The following OR56A3 variants were observed in gnomAD, a reference collection of about 807,000 sequenced individuals.
The protein encoded by OR56A3 is olfactory receptor 56A3.
A neutral mutation model predicts 17.5 loss-of-function variants in OR56A3; 23 were observed. The observed-to-expected ratio is 1.32, with a 90% CI of 0.95 to 1.87. OR56A3 has a LOEUF of 1.87. Among genes scored for constraint, OR56A3 ranks in the 40% most tolerant of loss-of-function variants. The pLI is 0.00. For synonymous variants in OR56A3, 175 were observed against 150.6 expected, an observed-to-expected ratio of 1.16 and a Z score of -1.19; for missense variants, 366 against 380.1, an observed-to-expected ratio of 0.96 and a Z score of 0.31.
At chr11:5,972,893 G>A in the OR56A3 span, among the ~76,000 whole-genome samples, 5 of 152,136 alleles carry the variant, frequency 3.3e-5, no homozygotes, top group Admixed American at 2.6e-4. Flanking sequence ...CACCGTGCCC[G>A]GCAGGGAACA....
the OR56A3 span, chr11:5,967,757 G>A: frequency 6.2e-7 from 1 of 1,603,730 alleles, no homozygotes; most frequent in Non-Finnish European, 8.5e-7. Flanking sequence ...GGATGAAGTG[G>A]GAACCACAAG....
the OR56A3 span, chr11:5,968,328 G>T: frequency 6.2e-7 from 1 of 1,613,230 alleles, no homozygotes; most frequent in Non-Finnish European, 8.5e-7. Context: ...GTGCAGAGAG[G>T]CTTCCAGATA....
At chr11:6,002,619 C>A in the OR56A3 span, 1 of 1,614,168 alleles carries the variant, frequency 6.2e-7, no homozygotes, top group Non-Finnish European at 8.5e-7. Context: ...GGCCACATAA[C>A]GGTCATAGGC....
chr11:5,948,572 T>C lies in OR56A3; in HGVS notation c.*278T>C, dbSNP rs1319021241. On this transcript the variant is annotated 3_prime_UTR_variant, in exon 3 of 3. Coordinates refer to ENST00000641160, the MANE Select transcript of OR56A3 (RefSeq NM_001003443.3). Reference sequence around the variant, plus strand: ...TTAAAGCAGATTTTAAAGTGAAAAATGTATGTTTCTGAACACACAACTCAA... The same window carrying C: ...TTAAAGCAGATTTTAAAGTGAAAAACGTATGTTTCTGAACACACAACTCAA... 1 of 374,430 alleles carries C rather than the reference T, an allele frequency of 2.7e-6. No homozygotes were observed. Among genetic ancestry groups the C allele is most frequent in the Non-Finnish European group, 4.8e-6 (1 of 207,946 alleles). 23.2% of individuals were successfully genotyped at this position (374,430 alleles called of 1,614,324 possible).
At chr11:6,016,742 C>CACAGATAATAT in the OR56A3 span, among the ~76,000 whole-genome samples, 2 of 148,012 alleles carry the variant, frequency 1.4e-5, no homozygotes, top group Non-Finnish European at 3.0e-5. Flanking sequence ...TACAAGAGAA[C>CACAGATAATAT]ACAGATAAAT....
the OR56A3 span, among the ~76,000 whole-genome samples, chr11:5,979,019 T>C: frequency 6.6e-6 from 1 of 152,336 alleles, no homozygotes; most frequent in Non-Finnish European, 1.5e-5. Flanking sequence ...CCCCATTTAT[T>C]GATTTGCATA....
At chr11:5,990,326 C>T in the OR56A3 span, among the ~76,000 whole-genome samples, 1 of 152,208 alleles carries the variant, frequency 6.6e-6, no homozygotes, top group Admixed American at 6.5e-5. Context: ...GCATAGGAAT[C>T]ATGTAGCAAA....
chr11:5,947,053 G>C (rs1847874049), intron 2 of OR56A3, among the ~76,000 whole-genome samples: 1 of 140,980 alleles, frequency 7.1e-6, no homozygotes, highest in African/African-American at 2.6e-5. Context: ...CTCCTTTTTA[G>C]TTTCTCTAAA....
the OR56A3 span, among the ~76,000 whole-genome samples, chr11:5,971,886 C>T: frequency 6.6e-6 from 1 of 152,132 alleles, no homozygotes; most frequent in East Asian, 1.9e-4. Flanking sequence ...AAGCTCATTA[C>T]AAGAAGTAGA....
At chr11:6,007,165 T>G in the OR56A3 span, among the ~76,000 whole-genome samples, 2 of 152,072 alleles carry the variant, frequency 1.3e-5, no homozygotes, top group African/African-American at 4.8e-5. Flanking sequence ...GAAGTCTAAT[T>G]AACAAAAATG....
chr11:6,000,476 G>A, the OR56A3 span: 1 of 152,202 alleles, frequency 6.6e-6, no homozygotes, highest in African/African-American at 2.4e-5. Flanking sequence ...GTTAGGGGGA[G>A]TGGGGAGGGA....
Position 5,947,559 on chromosome 11 carries a change from C to A in OR56A3, c.213C>A (p.Ser71=). 4 of 1,614,180 alleles carry A rather than the reference C, an allele frequency of 2.5e-6. No individual in the cohort carries two copies. The highest frequency in any genetic ancestry group is 1.1e-5 in the South Asian group (1 of 91,078). Reference sequence around the variant, plus strand: ...TGTACTACCTGCTCAGCCTCCTCTCCCTGCTGGACATCGTGCTCTGCCTCA... The same window carrying A: ...TGTACTACCTGCTCAGCCTCCTCTCACTGCTGGACATCGTGCTCTGCCTCA... ...QPLYYLLSLL[S]LLDIVLCLTV... Residue 71 remains serine, a synonymous_variant, in exon 3 of 3, where the codon TCC becomes TCA. Transcript: ENST00000641160.
the OR56A3 span, among the ~76,000 whole-genome samples, chr11:5,977,464 T>G: frequency 6.6e-6 from 1 of 152,206 alleles, no homozygotes. Flanking sequence ...TAATGGTTAG[T>G]GATGTTGAGT....
the OR56A3 span, among the ~76,000 whole-genome samples, chr11:5,989,430 T>C: frequency 6.6e-6 from 1 of 152,012 alleles, no homozygotes; most frequent in South Asian, 2.1e-4. Flanking sequence ...ATAAAGTAAA[T>C]AAAGTAAGAA....
chr11:5,991,962 G>A, the OR56A3 span, among the ~76,000 whole-genome samples: 2 of 152,156 alleles, frequency 1.3e-5, no homozygotes, highest in African/African-American at 4.8e-5. Flanking sequence ...GTAGGTGATT[G>A]GACAGAGAGG....
the OR56A3 span, chr11:6,002,975 A>G: frequency 7.4e-6 from 12 of 1,614,104 alleles, no homozygotes; most frequent in Admixed American, 5.0e-5. Flanking sequence ...CAGTGGAGTC[A>G]TTGCTGGGAG....
chr11:5,958,179 G>C, the OR56A3 span, among the ~76,000 whole-genome samples: 2 of 152,008 alleles, frequency 1.3e-5, no homozygotes, highest in African/African-American at 4.8e-5. Context: ...TTATTTTGAA[G>C]AACAGTACTT....
the OR56A3 span, among the ~76,000 whole-genome samples, chr11:5,974,508 G>A: frequency 2.0e-5 from 3 of 152,142 alleles, no homozygotes; most frequent in Non-Finnish European, 2.9e-5. Context: ...ACTCAAGAAT[G>A]GACACTTAAC....
At chr11:5,993,012 C>G in the OR56A3 span, among the ~76,000 whole-genome samples, 3 of 152,132 alleles carry the variant, frequency 2.0e-5, no homozygotes, top group Non-Finnish European at 4.4e-5. Flanking sequence ...CCTTCCCAGT[C>G]TGGGAAGTTC....
Sources: gnomAD v4.1 joint callset for allele counts (sites outside exome capture counted in the v4.1 genomes callset) on GRCh38, gnomAD v4.1.1 for gene constraint, MANE v1.5 for transcripts, NCBI Gene and HGNC (gene_info 2026-07-23, HGNC 2026-07-21) for gene names.